The following DPP6 variants were observed in gnomAD, a reference collection of about 807,000 sequenced individuals.
DPP6 encodes dipeptidyl peptidase like 6.
A neutral mutation model predicts 122.6 loss-of-function variants in DPP6; 69 were observed. The ratio of observed to expected loss-of-function variants is 0.56; its 90% confidence interval spans 0.46 to 0.69. The LOEUF (loss-of-function observed/expected upper bound fraction) is 0.69. Among genes scored for constraint, DPP6 ranks in the 30% least tolerant of loss-of-function variants. DPP6 has a pLI of 0.00. For synonymous variants in DPP6, 418 were observed against 433.1 expected (o/e 0.97, Z 0.43); for missense variants, 928 against 1,116.9 (o/e 0.83, Z 2.41).
At chr7:154,673,783 C>T (rs1249414437) in intron 7 of DPP6, among the ~76,000 whole-genome samples, 1 of 152,226 alleles carries the variant, frequency 6.6e-6, no homozygotes, top group Non-Finnish European at 1.5e-5. Flanking sequence ...ACGTTCAAAA[C>T]ATATGCTGTT....
At chr7:153,811,217 G>A in the DPP6 span, among the ~76,000 whole-genome samples, 21 of 152,176 alleles carry the variant, frequency 1.4e-4, no homozygotes, top group Admixed American at 2.6e-4. Flanking sequence ...CCGAGTTAAA[G>A]GATGCTCCAC....
intron 1 of DPP6, among the ~76,000 whole-genome samples, chr7:153,977,266 A>G (rs1486075035): frequency 6.6e-6 from 1 of 151,814 alleles, no homozygotes; most frequent in Non-Finnish European, 1.5e-5. Context: ...TTTGACCATG[A>G]CTACGTTTGT....
chr7:154,870,477 G>A (rs1359823123), intron 18 of DPP6, among the ~76,000 whole-genome samples: 2 of 151,880 alleles, frequency 1.3e-5, no homozygotes, highest in East Asian at 2.0e-4. Flanking sequence ...GTGATGGCAT[G>A]TGCCTGTAGT....
intron 1 of DPP6, among the ~76,000 whole-genome samples, chr7:154,150,610 C>T (rs1378779718): frequency 2.0e-5 from 3 of 152,294 alleles, no homozygotes; most frequent in South Asian, 2.1e-4. Flanking sequence ...GGTCTCAGCA[C>T]GAGGGAGAAG....
chr7:154,623,610 C>A (rs865787038), intron 5 of DPP6, among the ~76,000 whole-genome samples: 1 of 148,370 alleles, frequency 6.7e-6, no homozygotes, highest in African/African-American at 2.5e-5. Context: ...CTGACACACA[C>A]GCACGTACAC....
intron 10 of DPP6, among the ~76,000 whole-genome samples, chr7:154,776,876 T>TA (rs966637374): frequency 2.0e-5 from 3 of 152,276 alleles, no homozygotes; most frequent in African/African-American, 7.2e-5. Context: ...CCTGAGCACC[T>TA]AGGAAGGGAG....
chr7:154,149,264 C>T (rs117546324), intron 1 of DPP6, among the ~76,000 whole-genome samples: 14 of 150,464 alleles, frequency 9.3e-5, no homozygotes, highest in African/African-American at 2.9e-4. Context: ...GCCCCATGCC[C>T]CAGAGGCTGC....
At chr7:154,165,656 T>G (rs1323519995) in intron 1 of DPP6, among the ~76,000 whole-genome samples, 1 of 151,886 alleles carries the variant, frequency 6.6e-6, no homozygotes, top group Non-Finnish European at 1.5e-5. Flanking sequence ...CTCCACATCC[T>G]CTCCATCACC....
intron 1 of DPP6, among the ~76,000 whole-genome samples, chr7:154,029,735 A>G (rs1252015327): frequency 1.3e-5 from 2 of 148,554 alleles, no homozygotes; most frequent in Non-Finnish European, 3.0e-5. Context: ...AGTCCCAGCT[A>G]CTCGGGAGGC....
At chr7:154,067,719 AAAG>A (rs1415657720) in intron 1 of DPP6, among the ~76,000 whole-genome samples, 5 of 152,098 alleles carry the variant, frequency 3.3e-5, no homozygotes. Flanking sequence ...ATGTTGCTGG[AAAG>A]AAGGAGAGCA....
the DPP6 span, among the ~76,000 whole-genome samples, chr7:153,782,125 G>A: frequency 1.3e-4 from 20 of 151,964 alleles, no homozygotes; most frequent in South Asian, 8.4e-4. Context: ...CATGCTGTTT[G>A]GGAGGGTTTA....
chr7:154,339,594 C>G (rs1809742017), intron 1 of DPP6, among the ~76,000 whole-genome samples: 1 of 152,090 alleles, frequency 6.6e-6, no homozygotes, highest in South Asian at 2.1e-4. Flanking sequence ...AATCAATCAT[C>G]TAATATTCAG....
chr7:154,122,531 G>T (rs1171747218), intron 1 of DPP6, among the ~76,000 whole-genome samples: 1 of 152,200 alleles, frequency 6.6e-6, no homozygotes, highest in East Asian at 1.9e-4. Flanking sequence ...GTGACTTTGA[G>T]CCTGTTTCCT....
At chr7:154,660,513 G>C (rs1206149175) in intron 6 of DPP6, among the ~76,000 whole-genome samples, 1 of 148,426 alleles carries the variant, frequency 6.7e-6, no homozygotes, top group African/African-American at 2.6e-5. Context: ...TAGTCATGGT[G>C]AATCACCATG....
At chr7:154,501,206 G>A (rs1188983075) in intron 3 of DPP6, among the ~76,000 whole-genome samples, 1 of 152,056 alleles carries the variant, frequency 6.6e-6, no homozygotes, top group Non-Finnish European at 1.5e-5. Flanking sequence ...TATAAGGGAA[G>A]CAGAGCATGA....
chr7:153,960,895 G>A (rs915520951), intron 1 of DPP6, among the ~76,000 whole-genome samples: 1 of 152,014 alleles, frequency 6.6e-6, no homozygotes, highest in Non-Finnish European at 1.5e-5. Flanking sequence ...GTGTTTCACA[G>A]TTGGCTGTCC....
At chr7:154,828,377 G>A (rs536816632) in intron 16 of DPP6, among the ~76,000 whole-genome samples, 1 of 152,096 alleles carries the variant, frequency 6.6e-6, no homozygotes, top group Admixed American at 6.5e-5. Flanking sequence ...CCTGGCAAAG[G>A]AATTGAGCGT....
chr7:153,755,844 T>C, the DPP6 span, among the ~76,000 whole-genome samples: 1 of 152,174 alleles, frequency 6.6e-6, no homozygotes, highest in Non-Finnish European at 1.5e-5. Flanking sequence ...TTTTTTATTT[T>C]CTCTTCTCTT....
chr7:154,221,696 A>T (rs1800317426), intron 1 of DPP6, among the ~76,000 whole-genome samples: 1 of 152,198 alleles, frequency 6.6e-6, no homozygotes, highest in Non-Finnish European at 1.5e-5. Flanking sequence ...TAATGACTTC[A>T]TTACTCTCTG....
Sources: allele counts gnomAD v4.1 joint callset (sites outside exome capture counted in the v4.1 genomes callset), GRCh38; gene constraint gnomAD v4.1.1; transcripts MANE v1.5; gene names NCBI Gene and HGNC (gene_info 2026-07-23, HGNC 2026-07-21).